TSHZ3: variants seen among roughly 807,000 people sequenced by gnomAD.
TSHZ3 encodes teashirt zinc finger homeobox 3, also known as teashirt homolog 3.
TSHZ3 carries 10 observed loss-of-function variants against 64.5 expected under a neutral mutation model. That is an observed-to-expected ratio of 0.16 (90% CI 0.10 to 0.26). The LOEUF (loss-of-function observed/expected upper bound fraction) is 0.26. Among genes scored for constraint, TSHZ3 ranks in the 10% least tolerant of loss-of-function variants. The probability of loss-of-function intolerance (pLI) is 1.00; values close to 1 mark genes in which losing one functional copy is unlikely to be tolerated. For missense variants in TSHZ3, 1,242 were observed against 1,421.7 expected (o/e 0.87, Z 2.03); for synonymous variants, 608 against 593.1 (o/e 1.03, Z -0.36).
chr19:31,327,572 C>T (rs1916967172), intron 1 of TSHZ3, among the ~76,000 whole-genome samples: 1 of 152,184 alleles, frequency 6.6e-6, no homozygotes, highest in Non-Finnish European at 1.5e-5. Context: ...ACTGTGAGAA[C>T]ACTGATTTCC....
At chr19:31,273,214 G>A (rs1394750479), downstream of TSHZ3, among the ~76,000 whole-genome samples, 2 of 152,162 alleles carry the variant, frequency 1.3e-5, no homozygotes, top group Non-Finnish European at 2.9e-5. Flanking sequence ...TTGTTATTGT[G>A]CCACGTGAGG....
intron 1 of TSHZ3, among the ~76,000 whole-genome samples, chr19:31,339,318 TA>T (rs1917355288): frequency 6.6e-6 from 1 of 151,680 alleles, no homozygotes; most frequent in South Asian, 2.1e-4. Context: ...GTTTAGCAGA[TA>T]ATATGAATGA....
chr19:31,151,572 A>T (rs1974239678), exon 7 of TSHZ3, among the ~76,000 whole-genome samples: 1 of 152,204 alleles, frequency 6.6e-6, no homozygotes, highest in African/African-American at 2.4e-5. Flanking sequence ...AGGATGTTTC[A>T]TAAATTCCAT....
chr19:31,349,176 G>A lies in TSHZ3; in HGVS notation c.40+4C>T, dbSNP rs979303928. 1.3e-6 allele frequency: 2 copies of A among 1,542,346 alleles called. No individual in the cohort carries two copies. Among genetic ancestry groups the A allele is most frequent in the Non-Finnish European group, 8.7e-7 (1 of 1,144,560 alleles). On this transcript the variant is annotated splice_donor_region_variant and intron_variant, in intron 1 of 1. Transcript: ENST00000240587. ...GAGCAGAAGGAAGGGGAAGCGGCTCGTACCTGCTGCGCGCCGGGGCGCCTG... is the reference window on the plus strand; with the variant it reads ...GAGCAGAAGGAAGGGGAAGCGGCTCATACCTGCTGCGCGCCGGGGCGCCTG...
At chr19:31,306,349 ATCT>A (rs1473408910) in intron 1 of TSHZ3, among the ~76,000 whole-genome samples, 4 of 152,242 alleles carry the variant, frequency 2.6e-5, no homozygotes, top group African/African-American at 4.8e-5. Context: ...TCAAATGTCT[ATCT>A]TCTTCTCATC....
chr19:31,184,806 A>G (rs935854836), intron 5 of TSHZ3, among the ~76,000 whole-genome samples: 9 of 152,242 alleles, frequency 5.9e-5, no homozygotes, highest in African/African-American at 1.9e-4. Context: ...CCGCGGCTTC[A>G]TAAAGAAGTC....
intron 1 of TSHZ3, among the ~76,000 whole-genome samples, chr19:31,260,777 G>A (rs545088194): frequency 3.3e-5 from 5 of 152,278 alleles, no homozygotes; most frequent in Middle Eastern, 3.4e-3. Flanking sequence ...TTAGAGAATG[G>A]CCTCCTCTTC....
intron 5 of TSHZ3, among the ~76,000 whole-genome samples, chr19:31,157,879 C>T (rs988217435): frequency 7.2e-5 from 11 of 152,136 alleles, no homozygotes; most frequent in Non-Finnish European, 1.0e-4. Flanking sequence ...ATGCAGGCCT[C>T]GATGTTTGAG....
intron 1 of TSHZ3, among the ~76,000 whole-genome samples, chr19:31,303,821 T>G (rs975577911): frequency 6.6e-6 from 1 of 152,176 alleles, no homozygotes; most frequent in African/African-American, 2.4e-5. Context: ...AAAGACGGAT[T>G]TTTTTGCAAA....
intron 1 of TSHZ3, 137 bp downstream of exon 1, chr19:31,349,043 A>G: frequency 8.7e-7 from 1 of 1,152,190 alleles, no homozygotes; most frequent in African/African-American, 1.6e-5. Context: ...GCACGCACCC[A>G]AACAGGAGAG....
intron 1 of TSHZ3, among the ~76,000 whole-genome samples, chr19:31,281,300 C>T (rs559192340): frequency 6.6e-6 from 1 of 152,152 alleles, no homozygotes; most frequent in African/African-American, 2.4e-5. Flanking sequence ...AGGCCCCCCT[C>T]ATTCCTTCCA....
upstream of TSHZ3, among the ~76,000 whole-genome samples, chr19:31,350,653 C>G (rs1212403042): frequency 6.6e-6 from 1 of 151,536 alleles, no homozygotes; most frequent in Non-Finnish European, 1.5e-5. Flanking sequence ...CCGGCCCGGC[C>G]GACTGGCCGC....
chr19:31,349,605 G>GC (rs370409128), upstream of TSHZ3: 47,069 of 127,278 alleles, frequency 0.37, 9,473 homozygotes, highest in East Asian at 0.63. Context: ...CGGCGGCCCT[G>GC]CCCCCCCCCG....
rs2145131950 is a variant in TSHZ3, at chr19:31,292,904, T to TTCA, written c.41-13153_41-13152insTGA. 5.2e-5 allele frequency among the ~76,000 whole-genome samples: 6 copies of TTCA among 114,934 alleles called. No homozygotes were observed. In the South Asian group the frequency reaches 2.1e-3, roughly 40 times the overall value. 75.4% of individuals were successfully genotyped at this position (114,934 alleles called of 152,430 possible). On this transcript the variant is annotated intron_variant, in intron 1 of 1. Transcript: ENST00000240587. ...ATCCATTCAAAAACTCATCCATCCA[T>TTCA]CCACCCATCCATCCAACCAAAAACC...
At chr19:31,299,524 T>C (rs940958084) in intron 1 of TSHZ3, among the ~76,000 whole-genome samples, 2 of 152,112 alleles carry the variant, frequency 1.3e-5, no homozygotes, top group African/African-American at 2.4e-5. Context: ...AAAATACAAA[T>C]AGAAGGGCCG....
chr19:31,187,976 G>T (rs575065948), intron 5 of TSHZ3, among the ~76,000 whole-genome samples: 13 of 152,102 alleles, frequency 8.5e-5, no homozygotes, highest in African/African-American at 3.1e-4. Flanking sequence ...TTTCTATTTG[G>T]ATAGCAGTGA....
chr19:31,303,967 T>G (rs1011170899), intron 1 of TSHZ3, among the ~76,000 whole-genome samples: 2 of 132,450 alleles, frequency 1.5e-5, no homozygotes, highest in Admixed American at 7.6e-5. Flanking sequence ...TCCTCACTCT[T>G]TTTTTTATTT....
rs187035293 is a variant in TSHZ3, at chr19:31,244,954, T to C, written n.64-2079A>G. Among the ~76,000 whole-genome samples, 119 of 152,328 alleles carry C rather than the reference T, an allele frequency of 7.8e-4. 1 individual carries two copies. The highest frequency in any genetic ancestry group is 2.7e-3 in the African/African-American group (113 of 41,570). On this transcript the variant is annotated intron_variant and non_coding_transcript_variant, in intron 1 of 6. Transcript: ENST00000651361. ...CCACTGCTCCTTGCCTAAAATCTTA[T>C]AAAGAAAATTTAATATCATTGGAAA...
chr19:31,230,426 CA>C (rs373608834), intron 3 of TSHZ3, among the ~76,000 whole-genome samples: 300 of 152,224 alleles, frequency 2.0e-3, no homozygotes, highest in African/African-American at 7.0e-3. Flanking sequence ...CATTATTCCT[CA>C]AATATTCTGC....
Sources: gnomAD v4.1 joint callset for allele counts (sites outside exome capture counted in the v4.1 genomes callset) on GRCh38, gnomAD v4.1.1 for gene constraint, MANE v1.5 for transcripts, NCBI Gene and HGNC (gene_info 2026-07-23, HGNC 2026-07-21) for gene names.